Variants in TM4SF19 observed in about 807,000 individuals in gnomAD.
TM4SF19 encodes the protein transmembrane 4 L6 family member 19.
Under a neutral mutation model 21.8 loss-of-function variants are expected in TM4SF19, and 17 were observed. The observed-to-expected ratio is 0.78, with a 90% CI of 0.53 to 1.17. The LOEUF is 1.17. TM4SF19 is among the 50% of genes most tolerant of loss of function. The pLI is 0.00. For missense variants in TM4SF19, 216 were observed against 252.1 expected (o/e 0.86, Z 0.97); for synonymous variants, 107 against 106.7 (o/e 1.00, Z -0.02).
intron 1 of TM4SF19, among the ~76,000 whole-genome samples, chr3:196,337,230 G>C (rs1463247501): frequency 1.3e-5 from 2 of 151,756 alleles, no homozygotes; most frequent in Non-Finnish European, 2.9e-5. Context: ...GGCTAATTTT[G>C]TATTTTTAGT....
chr3:196,334,048 G>A (rs576923937), intron 1 of TM4SF19, among the ~76,000 whole-genome samples: 5 of 151,532 alleles, frequency 3.3e-5, no homozygotes, highest in Admixed American at 1.3e-4. Flanking sequence ...ACCACAGATC[G>A]AGACTCCGTC....
rs1022606825 is a variant in TM4SF19 at position 196,323,618 on chromosome 3, A to G, written c.*199T>C. On this transcript the variant is annotated 3_prime_UTR_variant, in exon 5 of 5. Coordinates refer to ENST00000273695, the MANE Select transcript of TM4SF19 (RefSeq NM_138461.4). ...AATAACTTAGTTATTTATCCTATCC[A>G]TGGATCACCTGGAAGTTTACAATGT... 1.5e-5 allele frequency: 15 copies of G among 1,012,170 alleles called. No homozygotes were observed. Among genetic ancestry groups the G allele is most frequent in the Non-Finnish European group, 1.8e-5 (13 of 705,698 alleles). The allele number at this position is 1,012,170 out of a possible 1,614,324, so 62.7% of individuals were successfully genotyped here. A position where few individuals can be genotyped will look rare whatever the true frequency, so the allele number is the denominator to read the frequency against.
In TM4SF19 at chr3:196,327,563, T is replaced by C; in HGVS notation, c.28A>G (p.Ser10Gly). The part of the protein sequence containing the change: MVSSPCTQA[S>G]SRTCSRILGL... Reference sequence around the variant, plus strand: ...AGGATACGGGAGCAAGTCCGTGAGCTTGCCTGCGTGCAGGGAGAGGACACC... The same window carrying C: ...AGGATACGGGAGCAAGTCCGTGAGCCTGCCTGCGTGCAGGGAGAGGACACC... Residue 10 changes from serine to glycine, a missense_variant, in exon 2 of 5, where the codon AGC becomes GGC. Ser to Gly is a moderately conservative substitution (Grantham distance 56, BLOSUM62 0). Transcript: ENST00000273695. The C allele has an allele frequency of 6.2e-7, 1 of 1,613,600 alleles. No individual in the cohort carries two copies. The highest frequency in any genetic ancestry group is 8.5e-7 in the Non-Finnish European group (1 of 1,179,816).
intron 3 of TM4SF19, among the ~76,000 whole-genome samples, chr3:196,326,379 T>C (rs1727290012): frequency 7.5e-6 from 1 of 132,750 alleles, no homozygotes; most frequent in Non-Finnish European, 1.6e-5. Context: ...CAGATTCATG[T>C]CTGAGAACGA....
chr3:196,327,511 A>T lies in TM4SF19; in HGVS notation c.80T>A (p.Leu27Gln). Residue 27 changes from leucine (L) to glutamine (Q), a missense_variant, in exon 2 of 5, where the codon CTG becomes CAG. Transcript: ENST00000273695. ...ILGLSLGTAA[L>Q]FAAGANVALL... ...TGCCACGTTGGCCCCAGCAGCAAACAGGGCTGCAGTCCCAAGGCTCAGTCC... is the reference window on the plus strand; with the variant it reads ...TGCCACGTTGGCCCCAGCAGCAAACTGGGCTGCAGTCCCAAGGCTCAGTCC... The T allele has an allele frequency of 6.2e-7, 1 of 1,614,158 alleles. No homozygotes were observed. Among genetic ancestry groups the T allele is most frequent in the Non-Finnish European group, 8.5e-7 (1 of 1,180,050 alleles).
At chr3:196,334,492 C>T (rs1363511621) in intron 1 of TM4SF19, among the ~76,000 whole-genome samples, 1 of 151,004 alleles carries the variant, frequency 6.6e-6, no homozygotes, top group African/African-American at 2.4e-5. Context: ...CTCACTCTGT[C>T]GCTCAGGCTG....
rs983302838 is a variant in TM4SF19 at position 196,326,387 on chromosome 3, C to T, written c.279+568G>A. ...AAGGCCACAGATTCATGTCTGAGAA[C>T]GAGTGTGTGTGTGTGTGTGTGTGTG... On this transcript the variant is annotated intron_variant, in intron 3 of 4. Coordinates refer to ENST00000273695, the MANE Select transcript of TM4SF19 (RefSeq NM_138461.4). Among the ~76,000 whole-genome samples, 30 of 105,256 alleles carry T rather than the reference C, an allele frequency of 2.9e-4. 1 individual carries two copies. Among genetic ancestry groups the T allele is most frequent in the African/African-American group, 3.2e-5 (1 of 31,366 alleles). The allele number at this position is 105,256 out of a possible 152,430, so 69.1% of individuals were successfully genotyped here. A position where few individuals can be genotyped will look rare whatever the true frequency, so the allele number is the denominator to read the frequency against.
chr3:196,331,466 A>T (rs541684111), intron 1 of TM4SF19, among the ~76,000 whole-genome samples: 46 of 151,254 alleles, frequency 3.0e-4, no homozygotes, highest in Admixed American at 2.4e-3. Flanking sequence ...TTATTTATTT[A>T]ATTTATTTAT....
chr3:196,327,671 G>A, intron 1 of TM4SF19, 80 bp from the exon 2 acceptor site: 1 of 1,235,520 alleles, frequency 8.1e-7, no homozygotes, highest in Non-Finnish European at 1.2e-6. Flanking sequence ...TATCATGGGT[G>A]AGGGAAACAG....
chr3:196,329,026 C>T (rs1310561534), intron 1 of TM4SF19, among the ~76,000 whole-genome samples: 1 of 151,104 alleles, frequency 6.6e-6, no homozygotes, highest in Non-Finnish European at 1.5e-5. Context: ...TCACTGCAAC[C>T]TCTGCCTCCC....
intron 3 of TM4SF19, 111 bp from the exon 4 acceptor site, chr3:196,324,551 C>G (rs569625438): frequency 2.0e-5 from 22 of 1,123,042 alleles, no homozygotes; most frequent in Non-Finnish European, 2.7e-5. Flanking sequence ...GTCTGTGGGG[C>G]GGTCTGCACA....
intron 1 of TM4SF19, among the ~76,000 whole-genome samples, chr3:196,329,007 G>A (rs811271): frequency 6.6e-6 from 1 of 151,332 alleles, no homozygotes; most frequent in Non-Finnish European, 1.5e-5. Context: ...GCAGTGGCGC[G>A]ATCTCAGCTC....
rs1727175041 is a variant in TM4SF19, at chr3:196,324,005, A to C, written c.450-8T>G. 1.2e-6 allele frequency: 2 copies of C among 1,613,406 alleles called. No homozygotes were observed. Among genetic ancestry groups the C allele is most frequent in the Non-Finnish European group, 1.7e-6 (2 of 1,179,670 alleles). ...CGGTCATACAGATAATTCCTATCCCAAAAAATAAGGAGACCAGGGGTCAGG... is the reference window on the plus strand; with the variant it reads ...CGGTCATACAGATAATTCCTATCCCCAAAAATAAGGAGACCAGGGGTCAGG... On this transcript the variant is annotated splice_polypyrimidine_tract_variant and splice_region_variant and intron_variant, in intron 4 of 4. Coordinates refer to ENST00000273695, the MANE Select transcript of TM4SF19 (RefSeq NM_138461.4).
intron 1 of TM4SF19, among the ~76,000 whole-genome samples, chr3:196,334,448 G>C (rs1343425482): frequency 1.3e-5 from 2 of 151,080 alleles, no homozygotes; most frequent in Non-Finnish European, 3.0e-5. Context: ...ACCCGGTCCA[G>C]GATAAATAAT....
intron 1 of TM4SF19, among the ~76,000 whole-genome samples, chr3:196,330,856 A>G (rs960143652): frequency 2.0e-5 from 3 of 152,248 alleles, no homozygotes; most frequent in African/African-American, 7.2e-5. Flanking sequence ...TTTTAACTAT[A>G]TATCAATAAA....
chr3:196,330,505 C>A (rs1727464331), intron 1 of TM4SF19, among the ~76,000 whole-genome samples: 1 of 152,110 alleles, frequency 6.6e-6, no homozygotes, highest in African/African-American at 2.4e-5. Context: ...ATTGTGTTAT[C>A]CATACAAATG....
Position 196,323,934 on chromosome 3 carries a change from G to T in TM4SF19, c.513C>A (p.Val171=). ...SVCLEPSAAV[V]WHVSLFSALL... is the part of the protein sequence containing the mutation. ...GGGCGGAGAAGAGGGACACGTGCCA[G>T]ACAACAGCTGCAGAGGGCTCCAGGC... Residue 171 remains valine, a synonymous_variant, in exon 5 of 5, where the codon GTC becomes GTA. Coordinates refer to ENST00000273695, the MANE Select transcript of TM4SF19 (RefSeq NM_138461.4). The T allele has an allele frequency of 6.2e-7, 1 of 1,614,122 alleles. No individual in the cohort carries two copies.
At chr3:196,333,113 G>A (rs756769264) in intron 1 of TM4SF19, among the ~76,000 whole-genome samples, 1 of 152,150 alleles carries the variant, frequency 6.6e-6, no homozygotes, top group Non-Finnish European at 1.5e-5. Context: ...CTCCCAAAAT[G>A]TTGGGATTAC....
Position 196,323,815 on chromosome 3 carries a change from T to C in TM4SF19, c.*2A>G, listed in dbSNP as rs1727162812. The C allele has an allele frequency of 1.2e-6, 2 of 1,614,050 alleles. No homozygotes were observed. The highest frequency in any genetic ancestry group is 1.7e-6 in the Non-Finnish European group (2 of 1,180,036). On this transcript the variant is annotated 3_prime_UTR_variant, in exon 5 of 5. Coordinates refer to ENST00000273695, the MANE Select transcript of TM4SF19 (RefSeq NM_138461.4). The stretch of plus-strand genomic sequence containing the variant: ...CATGCTTGCAAGTGAAGGTTCTGCC[T>C]GTCACTTCTCGCAGAGGCTGCAGAA...
Sources: gnomAD v4.1 joint callset for allele counts (sites outside exome capture counted in the v4.1 genomes callset) on GRCh38, gnomAD v4.1.1 for gene constraint, MANE v1.5 for transcripts, NCBI Gene and HGNC (gene_info 2026-07-23, HGNC 2026-07-21) for gene names.